ADAMTSL1: variants seen among roughly 807,000 people sequenced by gnomAD.
ADAMTSL1 encodes the protein ADAMTS-like protein 1.
Under a neutral mutation model 201.8 loss-of-function variants are expected in ADAMTSL1, and 126 were observed. That is an observed-to-expected ratio of 0.62 (90% CI 0.54 to 0.72). ADAMTSL1 has a LOEUF of 0.72. Among genes scored for constraint, ADAMTSL1 ranks in the 30% least tolerant of loss-of-function variants. The pLI, the probability that ADAMTSL1 is intolerant of heterozygous loss-of-function variation, is 0.00. For synonymous variants in ADAMTSL1, 1,121 were observed against 903.4 expected (o/e 1.24, Z -4.32); for missense variants, 2,679 against 2,277.8 (o/e 1.18, Z -3.59).
chr9:18,313,574 C>T (rs917206130), intron 2 of ADAMTSL1, among the ~76,000 whole-genome samples: 8 of 152,158 alleles, frequency 5.3e-5, no homozygotes, highest in Non-Finnish European at 1.2e-4. Context: ...AAAGGATAGT[C>T]TTTCCAACAG....
intron 1 of ADAMTSL1, among the ~76,000 whole-genome samples, chr9:18,035,902 C>T (rs964789120): frequency 5.9e-5 from 9 of 152,078 alleles, no homozygotes; most frequent in African/African-American, 2.2e-4. Flanking sequence ...CCTATATATG[C>T]TAAGAGCTGT....
chr9:18,499,137 T>C (rs1011030233), intron 1 of ADAMTSL1, among the ~76,000 whole-genome samples: 3 of 152,242 alleles, frequency 2.0e-5, no homozygotes, highest in African/African-American at 7.2e-5. Context: ...TGAAAGACCA[T>C]GCACTGTGTC....
At chr9:18,864,166 ATTC>A (rs1827369905) in intron 23 of ADAMTSL1, among the ~76,000 whole-genome samples, 1 of 152,106 alleles carries the variant, frequency 6.6e-6, no homozygotes, top group South Asian at 2.1e-4. Context: ...TAGATTGTAT[ATTC>A]TTATTTTCAG....
At chr9:18,264,729 T>C (rs913725070) in intron 2 of ADAMTSL1, among the ~76,000 whole-genome samples, 2 of 152,226 alleles carry the variant, frequency 1.3e-5, no homozygotes, top group Admixed American at 6.5e-5. Context: ...CCTACCAAAA[T>C]TGAGTTTGCC....
intron 1 of ADAMTSL1, among the ~76,000 whole-genome samples, chr9:18,035,500 T>C (rs889148966): frequency 6.6e-6 from 1 of 152,160 alleles, no homozygotes; most frequent in African/African-American, 2.4e-5. Context: ...GGCTGGCATG[T>C]TTTCTCTTCA....
At chr9:18,079,300 C>T (rs1823370789) in intron 1 of ADAMTSL1, among the ~76,000 whole-genome samples, 1 of 152,242 alleles carries the variant, frequency 6.6e-6, no homozygotes, top group Non-Finnish European at 1.5e-5. Flanking sequence ...TACCACTTCA[C>T]ATTGGGATTT....
At chr9:18,528,350 C>A (rs1488811939) in intron 2 of ADAMTSL1, among the ~76,000 whole-genome samples, 1 of 152,132 alleles carries the variant, frequency 6.6e-6, no homozygotes, top group Admixed American at 6.6e-5. Context: ...TCTCCCTCCC[C>A]ACAGCCTCCC....
intron 2 of ADAMTSL1, among the ~76,000 whole-genome samples, chr9:18,221,785 A>C (rs1486093142): frequency 6.6e-6 from 1 of 152,072 alleles, no homozygotes; most frequent in East Asian, 1.9e-4. Context: ...GTTCTATATA[A>C]GTCCCTTAGA....
chr9:18,673,619 C>T (rs1829959709), intron 9 of ADAMTSL1, among the ~76,000 whole-genome samples: 2 of 152,228 alleles, frequency 1.3e-5, no homozygotes, highest in African/African-American at 4.8e-5. Flanking sequence ...TTGTCTCCTT[C>T]AGTGTTACTG....
chr9:18,863,624 C>G (rs951058000), intron 23 of ADAMTSL1, among the ~76,000 whole-genome samples: 14 of 152,170 alleles, frequency 9.2e-5, no homozygotes, highest in African/African-American at 2.9e-4. Flanking sequence ...CTGAGTTTTT[C>G]CAATATGAAT....
At chr9:18,905,980 C>G in intron 27 of ADAMTSL1, 89 bp downstream of exon 27, 2 of 1,192,374 alleles carry the variant, frequency 1.7e-6, no homozygotes, top group East Asian at 5.1e-5. Flanking sequence ...CTCCAACTAA[C>G]TTACCACAGT....
At chr9:18,409,259 T>G (rs929249263) in intron 2 of ADAMTSL1, among the ~76,000 whole-genome samples, 6 of 151,136 alleles carry the variant, frequency 4.0e-5, no homozygotes, top group African/African-American at 1.5e-4. Context: ...GGTGCATGCC[T>G]GTAATCCCAG....
intron 2 of ADAMTSL1, among the ~76,000 whole-genome samples, chr9:18,299,769 A>C (rs1011765489): frequency 1.3e-5 from 2 of 152,230 alleles, no homozygotes; most frequent in African/African-American, 4.8e-5. Flanking sequence ...AGCTAGGCCA[A>C]TAAGAGTGGA....
intron 2 of ADAMTSL1, among the ~76,000 whole-genome samples, chr9:18,522,765 A>G (rs1277289597): frequency 1.3e-5 from 2 of 151,996 alleles, no homozygotes; most frequent in East Asian, 3.9e-4. Context: ...TACATAGGAC[A>G]TGAACTCATC....
chr9:17,958,778 G>A (rs992961508), intron 1 of ADAMTSL1, among the ~76,000 whole-genome samples: 2 of 152,122 alleles, frequency 1.3e-5, no homozygotes, highest in Non-Finnish European at 2.9e-5. Context: ...GACCATGTGA[G>A]ATCTTGCCTG....
chr9:18,780,334 G>A (rs760389613), intron 19 of ADAMTSL1, among the ~76,000 whole-genome samples: 2 of 152,114 alleles, frequency 1.3e-5, no homozygotes, highest in Non-Finnish European at 2.9e-5. Flanking sequence ...GGAAGGCCAC[G>A]GAAGGTTAAA....
rs1379070773 is a variant in ADAMTSL1 at position 18,581,219 on chromosome 9, G to A, written c.474+6953G>A. ...TAATCTCTGCCTCTGTTATCAAATG[G>A]CATTCTACCCTCTGTGTCTGTGTCT... is the stretch of plus-strand genomic sequence containing the variant. On this transcript the variant is annotated intron_variant, in intron 4 of 28. Coordinates refer to ENST00000380548, the MANE Select transcript of ADAMTSL1 (RefSeq NM_001040272.6). Among the ~76,000 whole-genome samples the A allele has an allele frequency of 3.3e-5, 5 of 152,130 alleles. No individual in the cohort carries two copies. In the East Asian group the frequency reaches 7.7e-4, roughly 24 times the overall value.
chr9:18,405,732 AC>A (rs1818164651), intron 2 of ADAMTSL1, among the ~76,000 whole-genome samples: 1 of 152,190 alleles, frequency 6.6e-6, no homozygotes, highest in Non-Finnish European at 1.5e-5. Context: ...AAGATTTTAT[AC>A]AATAATATGT....
At chr9:18,147,197 T>A (rs1378720244) in intron 1 of ADAMTSL1, among the ~76,000 whole-genome samples, 3 of 152,122 alleles carry the variant, frequency 2.0e-5, no homozygotes, top group Non-Finnish European at 4.4e-5. Flanking sequence ...TAATACTGAA[T>A]TCATTTTGCT....
Sources: allele counts gnomAD v4.1 joint callset (sites outside exome capture counted in the v4.1 genomes callset), GRCh38; gene constraint gnomAD v4.1.1; transcripts MANE v1.5; gene names NCBI Gene and HGNC (gene_info 2026-07-23, HGNC 2026-07-21).